Variants in TBC1D9B observed in about 807,000 individuals in gnomAD.
TBC1D9B encodes TBC1 domain family, member 9B (with GRAM domain).
A neutral mutation model predicts 121.1 loss-of-function variants in TBC1D9B; 87 were observed. That is an observed-to-expected ratio of 0.72 (90% CI 0.60 to 0.86). The LOEUF is 0.86. TBC1D9B is among the 40% of genes least tolerant of loss of function. TBC1D9B has a pLI of 0.00. For synonymous variants in TBC1D9B, 668 were observed against 670.1 expected (o/e 1.00, Z 0.05); for missense variants, 1,540 against 1,628.6 (o/e 0.95, Z 0.94).
chr5:179,876,494 C>G (rs1190861046), intron 10 of TBC1D9B, among the ~76,000 whole-genome samples: 1 of 152,190 alleles, frequency 6.6e-6, no homozygotes, highest in African/African-American at 2.4e-5. Context: ...GCCACCCACT[C>G]GGTGCACAAC....
chr5:179,905,276 C>T (rs943620809), intron 1 of TBC1D9B, among the ~76,000 whole-genome samples: 1 of 152,214 alleles, frequency 6.6e-6, no homozygotes, highest in Non-Finnish European at 1.5e-5. Context: ...TCCTGAAATA[C>T]GTCTTCCGGA....
chr5:179,883,913 G>A (rs557570617), intron 7 of TBC1D9B, among the ~76,000 whole-genome samples: 17 of 152,206 alleles, frequency 1.1e-4, no homozygotes, highest in East Asian at 7.7e-4. Flanking sequence ...TGCTGTGGTC[G>A]GTCTGTGTAG....
chr5:179,878,495 G>A lies in TBC1D9B; in HGVS notation c.1596C>T (p.Pro532=), dbSNP rs762439519. 1.7e-5 allele frequency: 27 copies of A among 1,608,900 alleles called. No individual in the cohort carries two copies. Among genetic ancestry groups the A allele is most frequent in the Admixed American group, 1.5e-4 (9 of 59,362 alleles). The part of the protein sequence containing the change: ...SGAWNEMVTH[P]GYYAELVEKS... ...TCTCCACCAGCTCAGCATAGTACCC[G>A]GGGTGAGTCACCATCTCATTCCAGG... The change falls in exon 10 of 21, where the codon CCC becomes CCT. Residue 532 remains proline, a synonymous_variant. Transcript: ENST00000355235.
chr5:179,901,836 T>G (rs1761174374), intron 2 of TBC1D9B, among the ~76,000 whole-genome samples: 1 of 152,240 alleles, frequency 6.6e-6, no homozygotes, highest in Non-Finnish European at 1.5e-5. Flanking sequence ...CTTCATTTCA[T>G]ACTAAGAAAC....
intron 7 of TBC1D9B, among the ~76,000 whole-genome samples, chr5:179,881,375 C>T (rs1277381551): frequency 6.6e-6 from 1 of 152,122 alleles, no homozygotes; most frequent in Non-Finnish European, 1.5e-5. Context: ...TCCGAGCCCT[C>T]CACGGGTGCC....
rs375542132 is a variant in TBC1D9B, at chr5:179,879,152, C to T, written c.1462G>A (p.Glu488Lys). ...TACATGCACACGCCACGCCCGTACT[C>T]GAAGAAGTGGATGTGCCATGACTCC... ...KEESWHIHFF[E>K]YGRGVCMYRT... is the part of the protein sequence containing the mutation. Residue 488 changes from glutamate to lysine, a missense_variant, in exon 9 of 21, where the codon GAG becomes AAG. Physicochemically the swap from Glu to Lys is moderately conservative, Grantham distance 56. Coordinates refer to ENST00000355235, the MANE Select transcript of TBC1D9B (RefSeq NM_015043.4). The T allele has an allele frequency of 1.7e-5, 27 of 1,606,208 alleles. No homozygotes were observed. The highest frequency in any genetic ancestry group is 2.2e-5 in the South Asian group (2 of 90,750).
intron 2 of TBC1D9B, among the ~76,000 whole-genome samples, chr5:179,903,036 C>T (rs1761205756): frequency 6.6e-6 from 1 of 152,200 alleles, no homozygotes; most frequent in Admixed American, 6.5e-5. Context: ...CTTGACCCTT[C>T]CCCTCCTGAA....
At chr5:179,883,242 ACATT>A (rs1271434082) in intron 7 of TBC1D9B, among the ~76,000 whole-genome samples, 2 of 152,192 alleles carry the variant, frequency 1.3e-5, no homozygotes, top group South Asian at 2.1e-4. Context: ...ATTTTTCTAG[ACATT>A]CAATGTGTCC....
chr5:179,873,163 G>A lies in TBC1D9B; in HGVS notation c.2272C>T (p.Pro758Ser), dbSNP rs779513474. The A allele has an allele frequency of 1.2e-6, 2 of 1,613,142 alleles. No individual in the cohort carries two copies. Among genetic ancestry groups the A allele is most frequent in the Admixed American group, 1.7e-5 (1 of 59,934 alleles). ...RALLSSSDDP[P>S]AEVDIFELLK... ...AGCTCAAAGATGTCCACCTCTGCAGGGGGGTCATCGCTGCTGCTCAGCAAG... is the reference window on the plus strand; with the variant it reads ...AGCTCAAAGATGTCCACCTCTGCAGAGGGGTCATCGCTGCTGCTCAGCAAG... Residue 758 changes from proline to serine, a missense_variant, in exon 13 of 21, where the codon CCT (proline) becomes TCT (serine). Physicochemically the swap from Pro to Ser is moderately conservative, Grantham distance 74. Transcript: ENST00000355235.
Position 179,870,379 on chromosome 5 carries a change from G to C in TBC1D9B, c.2601C>G (p.Leu867=). The change falls in exon 16 of 21, where the codon CTC becomes CTG. Residue 867 remains leucine, a synonymous_variant. Transcript: ENST00000355235. ...YRIDASQFRE[L]FASLTPWACG... ...AGGCCCAGGGTGTCAGGCTGGCAAA[G>C]AGTTCCCGGAACTGGCTGGCATCAA... The C allele has an allele frequency of 6.2e-7, 1 of 1,613,852 alleles. No individual in the cohort carries two copies. Among genetic ancestry groups the C allele is most frequent in the Non-Finnish European group, 8.5e-7 (1 of 1,180,026 alleles).
At chr5:179,867,570 G>A in intron 18 of TBC1D9B, 2 of 1,531,300 alleles carry the variant, frequency 1.3e-6, no homozygotes, top group African/African-American at 1.4e-5. Flanking sequence ...AGAGACACAA[G>A]AGAAACAGGA....
intron 2 of TBC1D9B, among the ~76,000 whole-genome samples, chr5:179,900,565 A>C (rs1265608330): frequency 6.6e-6 from 1 of 152,162 alleles, no homozygotes; most frequent in East Asian, 1.9e-4. Context: ...GAGTTAGCGA[A>C]TCCTGAACCA....
At chr5:179,884,595 A>G (rs1314558788) in intron 7 of TBC1D9B, 1 of 152,270 alleles carries the variant, frequency 6.6e-6, no homozygotes, top group Admixed American at 6.5e-5. Context: ...AGTGTTACTC[A>G]TAATAGCCAT....
chr5:179,894,349 G>T, intron 4 of TBC1D9B, 37 bp downstream of exon 4: 1 of 1,565,218 alleles, frequency 6.4e-7, no homozygotes, highest in Non-Finnish European at 8.7e-7. Context: ...AGGGGCTGAG[G>T]GTGTGGGGGC....
rs961081876 is a variant in TBC1D9B, at chr5:179,902,593, G to T, written c.229+2109C>A. 2.6e-5 allele frequency among the ~76,000 whole-genome samples: 4 copies of T among 152,168 alleles called. No individual in the cohort carries two copies. The highest frequency in any genetic ancestry group is 4.4e-5 in the Non-Finnish European group (3 of 68,002). On this transcript the variant is annotated intron_variant, in intron 2 of 20. Coordinates refer to ENST00000355235, the MANE Select transcript of TBC1D9B (RefSeq NM_015043.4). The surrounding 1 kb of genome is among the most constrained non-coding windows in gnomAD (Gnocchi z 4.9). ...TGGGCTCCGCTGCGTGGCTGTGGCTGGGCCCCTCCCCAGCACCAGGCCTGC... is the reference window on the plus strand; with the variant it reads ...TGGGCTCCGCTGCGTGGCTGTGGCTTGGCCCCTCCCCAGCACCAGGCCTGC...
At position 179,888,130 on chromosome 5, in the gene TBC1D9B, T is replaced by C; in HGVS notation, c.1227A>G (p.Lys409=). ...CTGTGCTAGGGTCCACAACACTGGC[T>C]TTCCTGCTCCCGATACTGCCTGGCT... is the stretch of plus-strand genomic sequence containing the variant. The part of the protein sequence containing the change: ...SKQPGSIGSR[K]ASVVDPSTES... The change falls in exon 7 of 21, where the codon AAA becomes AAG. Residue 409 remains lysine, a synonymous_variant. Coordinates refer to ENST00000355235, the MANE Select transcript of TBC1D9B (RefSeq NM_015043.4). 1 of 1,613,808 alleles carries C rather than the reference T, an allele frequency of 6.2e-7. No individual in the cohort carries two copies. The highest frequency in any genetic ancestry group is 8.5e-7 in the Non-Finnish European group (1 of 1,179,938).
intron 5 of TBC1D9B, among the ~76,000 whole-genome samples, chr5:179,892,172 C>T (rs1760884877): frequency 6.6e-6 from 1 of 152,248 alleles, no homozygotes; most frequent in Non-Finnish European, 1.5e-5. Flanking sequence ...CAAAGGGAGC[C>T]TCCTGCCTGC....
chr5:179,898,664 C>T lies in TBC1D9B; in HGVS notation c.348+525G>A, dbSNP rs146862722. ...GGGTTTTGCCACGTTGGCCAGGCTG[C>T]TCTTGAACTCCTGACCTCAGATGAT... On this transcript the variant is annotated intron_variant, in intron 3 of 20. Transcript: ENST00000355235. Among the ~76,000 whole-genome samples, 791 of 151,438 alleles carry T rather than the reference C, an allele frequency of 5.2e-3. 7 individuals carry two copies. The highest frequency in any genetic ancestry group is 0.019 in the African/African-American group (764 of 41,208).
chr5:179,903,293 A>G (rs1469093310), intron 2 of TBC1D9B, among the ~76,000 whole-genome samples: 3 of 152,340 alleles, frequency 2.0e-5, no homozygotes, highest in Admixed American at 2.0e-4. Flanking sequence ...CGGGTGGTTC[A>G]GGCAAGTGCC....
Sources: allele counts gnomAD v4.1 joint callset (sites outside exome capture counted in the v4.1 genomes callset), GRCh38; gene constraint gnomAD v4.1.1; non-coding constraint Gnocchi (gnomAD v3.1); transcripts MANE v1.5; gene names NCBI Gene and HGNC (gene_info 2026-07-23, HGNC 2026-07-21).